AKT3: variants seen among roughly 807,000 people sequenced by gnomAD.
AKT3 encodes RAC-gamma serine/threonine-protein kinase.
A neutral mutation model predicts 65.3 loss-of-function variants in AKT3; 15 were observed. The ratio of observed to expected loss-of-function variants is 0.23; its 90% CI spans 0.15 to 0.35. The LOEUF is 0.35. Among genes scored for constraint, AKT3 ranks in the 10% least tolerant of loss-of-function variants. The pLI is 1.00. For missense variants in AKT3, 243 were observed against 576.5 expected, an observed-to-expected ratio of 0.42 and a Z score of 5.92; for synonymous variants, 206 against 183.8, an observed-to-expected ratio of 1.12 and a Z score of -0.98.
intron 13 of AKT3, among the ~76,000 whole-genome samples, chr1:243,508,403 G>A (rs933632944): frequency 6.6e-6 from 1 of 152,226 alleles, no homozygotes; most frequent in African/African-American, 2.4e-5. Context: ...CTGCTGAACA[G>A]AGGTGCCTGC....
At chr1:243,635,535 A>C (rs1043204277) in intron 6 of AKT3, among the ~76,000 whole-genome samples, 2 of 151,996 alleles carry the variant, frequency 1.3e-5, no homozygotes, top group African/African-American at 2.4e-5. Context: ...TAAATGTATA[A>C]GGAATGAGGG....
At chr1:243,798,315 G>A (rs769623521) in intron 2 of AKT3, among the ~76,000 whole-genome samples, 8 of 144,744 alleles carry the variant, frequency 5.5e-5, no homozygotes, top group Non-Finnish European at 9.0e-5. Flanking sequence ...GGACTCAAGC[G>A]ATCCTCCCAC....
chr1:243,557,741 C>T (rs916925416), intron 10 of AKT3, among the ~76,000 whole-genome samples: 13 of 152,034 alleles, frequency 8.6e-5, no homozygotes, highest in African/African-American at 3.1e-4. Context: ...CATCCCTCTA[C>T]TCCTTTAATG....
chr1:243,834,813 A>AT (rs1318417368), intron 2 of AKT3, among the ~76,000 whole-genome samples: 1 of 152,116 alleles, frequency 6.6e-6, no homozygotes, highest in South Asian at 2.1e-4. Flanking sequence ...TAGGAAAAAA[A>AT]TTTTTTAACT....
intron 2 of AKT3, among the ~76,000 whole-genome samples, chr1:243,812,028 G>A (rs1293735155): frequency 6.6e-6 from 1 of 152,046 alleles, no homozygotes; most frequent in African/African-American, 2.4e-5. Context: ...AATTCAAGAT[G>A]GATTAAAGAC....
chr1:243,799,657 A>G (rs945314933), intron 2 of AKT3, among the ~76,000 whole-genome samples: 4 of 152,238 alleles, frequency 2.6e-5, no homozygotes, highest in Admixed American at 1.3e-4. Context: ...GGTGGTTAAA[A>G]GGCTCTGTAA....
intron 4 of AKT3, among the ~76,000 whole-genome samples, chr1:243,661,194 T>C (rs1371764620): frequency 6.6e-6 from 1 of 152,090 alleles, no homozygotes; most frequent in Non-Finnish European, 1.5e-5. Flanking sequence ...CTTCACAGAA[T>C]TGGAAAAAAC....
chr1:243,767,718 T>C (rs1222257323), intron 2 of AKT3, among the ~76,000 whole-genome samples: 3 of 152,138 alleles, frequency 2.0e-5, no homozygotes, highest in Non-Finnish European at 2.9e-5. Context: ...TAAGTGGATA[T>C]ATAGATAAAA....
intron 2 of AKT3, among the ~76,000 whole-genome samples, chr1:243,801,831 T>C (rs1354222018): frequency 6.6e-6 from 1 of 152,152 alleles, no homozygotes; most frequent in Admixed American, 6.5e-5. Flanking sequence ...ACAGCAAATA[T>C]CCAATGGAAA....
At chr1:243,509,297 C>T (rs905254051) in intron 13 of AKT3, among the ~76,000 whole-genome samples, 3 of 152,148 alleles carry the variant, frequency 2.0e-5, no homozygotes, top group Non-Finnish European at 4.4e-5. Flanking sequence ...ACTTCTAACA[C>T]CTTCTAACAT....
intron 2 of AKT3, among the ~76,000 whole-genome samples, chr1:243,750,967 T>C (rs1688776419): frequency 6.6e-6 from 1 of 152,170 alleles, no homozygotes. Flanking sequence ...TTTTAGCTGT[T>C]GGTACTGATA....
intron 12 of AKT3, among the ~76,000 whole-genome samples, chr1:243,529,430 A>G (rs1303841050): frequency 6.6e-6 from 1 of 152,096 alleles, no homozygotes; most frequent in Non-Finnish European, 1.5e-5. Flanking sequence ...TTTAGGTTTT[A>G]CATTTAAGTC....
intron 2 of AKT3, among the ~76,000 whole-genome samples, chr1:243,720,677 T>G (rs920832785): frequency 1.3e-5 from 2 of 152,126 alleles, no homozygotes; most frequent in Non-Finnish European, 2.9e-5. Flanking sequence ...TAAAGAGATC[T>G]CCTCAAATAT....
Position 243,831,882 on chromosome 1 carries a change from T to G in AKT3, c.46+11243A>C, listed in dbSNP as rs145202795. Among the ~76,000 whole-genome samples, 146 of 152,066 alleles carry G rather than the reference T, an allele frequency of 9.6e-4. 2 individuals carry two copies. The highest frequency in any genetic ancestry group is 3.4e-3 in the Middle Eastern group (1 of 294). ...TAAACGTCAAGAAAGAAACAAAATC[T>G]GAAGTATCTAAGATCAGCAAAAAAG... is the stretch of plus-strand genomic sequence containing the variant. On this transcript the variant is annotated intron_variant, in intron 2 of 13. Coordinates refer to ENST00000673466, the MANE Select transcript of AKT3 (RefSeq NM_005465.7).
chr1:243,607,931 T>C (rs1046338825), intron 8 of AKT3, among the ~76,000 whole-genome samples: 1 of 152,214 alleles, frequency 6.6e-6, no homozygotes, highest in Non-Finnish European at 1.5e-5. Flanking sequence ...CCTGTCACCA[T>C]GTGAAGAAGG....
intron 2 of AKT3, among the ~76,000 whole-genome samples, chr1:243,743,123 T>C (rs758733534): frequency 6.6e-6 from 1 of 152,172 alleles, no homozygotes; most frequent in Non-Finnish European, 1.5e-5. Context: ...TAGGAGCACA[T>C]AGAAAAGTTG....
At chr1:243,562,237 A>T (rs147010265) in intron 10 of AKT3, among the ~76,000 whole-genome samples, 1 of 152,324 alleles carries the variant, frequency 6.6e-6, no homozygotes, top group East Asian at 1.9e-4. Context: ...AAGACTCCAT[A>T]CTGTATGATT....
At chr1:243,664,982 G>A in intron 3 of AKT3, 99 bp from the exon 4 acceptor site, 1 of 506,124 alleles carries the variant, frequency 2.0e-6, no homozygotes, top group Non-Finnish European at 3.1e-6. Context: ...AAAACCCAGT[G>A]CGAACTCACA....
intron 4 of AKT3, among the ~76,000 whole-genome samples, chr1:243,652,017 C>T (rs1212010593): frequency 6.6e-6 from 1 of 150,948 alleles, no homozygotes; most frequent in Non-Finnish European, 1.5e-5. Flanking sequence ...GAGTGGGGGC[C>T]AATACTCAAC....
Sources: allele counts gnomAD v4.1 joint callset (sites outside exome capture counted in the v4.1 genomes callset), GRCh38; gene constraint gnomAD v4.1.1; transcripts MANE v1.5; gene names NCBI Gene and HGNC (gene_info 2026-07-23, HGNC 2026-07-21).